The following CEACAM5 variants were observed in gnomAD, a reference collection of about 807,000 sequenced individuals.
CEACAM5 encodes the protein cell adhesion molecule CEACAM5.
A neutral mutation model predicts 63.0 loss-of-function variants in CEACAM5; 52 were observed. That is an observed-to-expected ratio of 0.83 (90% CI 0.66 to 1.04). The LOEUF (loss-of-function observed/expected upper bound fraction) is 1.04. CEACAM5 is among the 50% of genes least tolerant of loss of function. The pLI, the probability that CEACAM5 is intolerant of heterozygous loss-of-function variation, is 0.00. For missense variants in CEACAM5, 790 were observed against 864.8 expected (o/e 0.91, Z 1.08); for synonymous variants, 357 against 351.3 (o/e 1.02, Z -0.18).
In CEACAM5 at chr19:41,728,093, A is replaced by T. The variant is rs149701264; in HGVS notation, c.*36+741A>T. Reference sequence around the variant, plus strand: ...TTAACCTGTGAGTCTTAAGCTCAGGACACAACTGTGCCTGTGACTGAGAAC... The same window carrying T: ...TTAACCTGTGAGTCTTAAGCTCAGGTCACAACTGTGCCTGTGACTGAGAAC... On this transcript the variant is annotated intron_variant, in intron 9 of 9. Transcript: ENST00000221992. Among the ~76,000 whole-genome samples the T allele has an allele frequency of 1.5e-3, 235 of 152,336 alleles. 2 individuals are homozygous for T. The highest frequency in any genetic ancestry group is 5.2e-3 in the African/African-American group (218 of 41,580).
At chr19:41,725,193 G>A (rs1297185391) in intron 8 of CEACAM5, among the ~76,000 whole-genome samples, 2 of 151,946 alleles carry the variant, frequency 1.3e-5, no homozygotes, top group Admixed American at 6.6e-5. Flanking sequence ...GCTTTTATTG[G>A]TTCTATCTAA....
Position 41,715,156 on chromosome 19 carries a change from A to G in CEACAM5, c.610A>G (p.Asn204Asp). The G allele has an allele frequency of 6.2e-7, 1 of 1,614,178 alleles. No homozygotes were observed. Among genetic ancestry groups the G allele is most frequent in the Non-Finnish European group, 8.5e-7 (1 of 1,180,038 alleles). ...TGGCAACAGGACCCTCACTCTATTC[A>G]ATGTCACAAGAAATGACACAGCAAG... Reference protein sequence around the residue: ...SNGNRTLTLFNVTRNDTASYK... With the variant: ...SNGNRTLTLFDVTRNDTASYK... Residue 204 changes from asparagine to aspartate, a missense_variant, in exon 3 of 10, where the codon AAT (asparagine) becomes GAT (aspartate). Asn to Asp is a conservative substitution (Grantham distance 23). Transcript: ENST00000221992.
Position 41,709,707 on chromosome 19 carries a change from C to T in CEACAM5, c.92C>T (p.Pro31Leu), listed in dbSNP as rs2072402112. 1.2e-6 allele frequency: 2 copies of T among 1,613,924 alleles called. No homozygotes were observed. Among genetic ancestry groups the T allele is most frequent in the Admixed American group, 1.7e-5 (1 of 59,998 alleles). ...TASLLTFWNPPTTAKLTIEST... is the reference protein window; with the variant it reads ...TASLLTFWNPLTTAKLTIEST... ...TCACTTCTAACCTTCTGGAACCCGC[C>T]CACCACTGCCAAGCTCACTATTGAA... The change falls in exon 2 of 10, where the codon CCC becomes CTC. Residue 31 changes from proline (P) to leucine (L), a missense_variant. Transcript: ENST00000221992.
chr19:41,715,365 C>A, intron 3 of CEACAM5, 116 bp downstream of exon 3: 2 of 1,464,172 alleles, frequency 1.4e-6, no homozygotes, highest in Non-Finnish European at 1.9e-6. Flanking sequence ...CCTGGACATC[C>A]AGACTGTCTG....
Position 41,717,512 on chromosome 19 carries a change from A to T in CEACAM5, c.1016A>T (p.Asp339Val), listed in dbSNP as rs142727064. The T allele has an allele frequency of 6.2e-7, 1 of 1,614,230 alleles. No homozygotes were observed. Among genetic ancestry groups the T allele is most frequent in the African/African-American group, 1.3e-5 (1 of 75,058 alleles). Reference sequence around the variant, plus strand: ...AACTCCAACCCCGTGGAGGATGAGGATGCTGTAGCCTTAACCTGTGAACCT... The same window carrying T: ...AACTCCAACCCCGTGGAGGATGAGGTTGCTGTAGCCTTAACCTGTGAACCT... ...SNNSNPVEDE[D>V]AVALTCEPEI... Residue 339 changes from aspartate to valine, a missense_variant, in exon 5 of 10, where the codon GAT becomes GTT. Asp to Val is a radical substitution (Grantham distance 152, BLOSUM62 -3). Coordinates refer to ENST00000221992, the MANE Select transcript of CEACAM5 (RefSeq NM_004363.6).
At chr19:41,709,615 G>A in intron 1 of CEACAM5, 65 bp from the exon 2 acceptor site, 1 of 1,560,024 alleles carries the variant, frequency 6.4e-7, no homozygotes, top group Non-Finnish European at 8.7e-7. Flanking sequence ...CAGGACCCAG[G>A]ACCCCATTTT....
At position 41,725,198 on chromosome 19, in the gene CEACAM5, A is replaced by T. The variant is rs1555816904; in HGVS notation, c.2027-2036A>T. Among the ~76,000 whole-genome samples, 3 of 152,050 alleles carry T rather than the reference A, an allele frequency of 2.0e-5. No homozygotes were observed. In the East Asian group the frequency reaches 5.8e-4, roughly 29 times the overall value. ...TTTGTCAAATGCTTTTATTGGTTCT[A>T]TCTAATTATAGGCCTATTAAATTTT... is the stretch of plus-strand genomic sequence containing the variant. On this transcript the variant is annotated intron_variant, in intron 8 of 9. Coordinates refer to ENST00000221992, the MANE Select transcript of CEACAM5 (RefSeq NM_004363.6).
At chr19:41,727,096 C>T in intron 8 of CEACAM5, 138 bp from the exon 9 acceptor site, 1 of 762,260 alleles carries the variant, frequency 1.3e-6, no homozygotes, top group Non-Finnish European at 2.4e-6. Flanking sequence ...AAAATTGCAA[C>T]TTTCCCACAA....
Position 41,728,741 on chromosome 19 carries a change from C to T in CEACAM5, c.*37-443C>T, listed in dbSNP as rs190408634. 6.5e-4 allele frequency among the ~76,000 whole-genome samples: 92 copies of T among 142,310 alleles called. 1 individual carries two copies. The highest frequency in any genetic ancestry group is 2.2e-3 in the African/African-American group (81 of 37,456). The allele number at this position is 142,310 out of a possible 152,430, so 93.4% of individuals were successfully genotyped here. ...GGTGGAGATTGCAGTGAGCCGAGAT[C>T]GTGCCACTGCACTCCAGCCTGGGCG... On this transcript the variant is annotated intron_variant, in intron 9 of 9. Coordinates refer to ENST00000221992, the MANE Select transcript of CEACAM5 (RefSeq NM_004363.6).
chr19:41,723,377 T>G (rs943067247), intron 8 of CEACAM5, among the ~76,000 whole-genome samples: 5 of 152,190 alleles, frequency 3.3e-5, no homozygotes, highest in Admixed American at 2.0e-4. Flanking sequence ...AGGTGGAGTA[T>G]CATTGTGGCT....
chr19:41,717,862 A>G, intron 5 of CEACAM5, 129 bp downstream of exon 5: 1 of 1,243,424 alleles, frequency 8.0e-7, no homozygotes, highest in Non-Finnish European at 1.1e-6. Context: ...GGCTGGCCCT[A>G]CCCCCAGCAA....
At chr19:41,715,995 G>C in intron 4 of CEACAM5, 91 bp downstream of exon 4, 1 of 1,485,360 alleles carries the variant, frequency 6.7e-7, no homozygotes, top group Non-Finnish European at 9.2e-7. Context: ...TTCTATCCCA[G>C]CCTGTGTCCA....
Position 41,717,605 on chromosome 19 carries a change from A to T in CEACAM5, c.1109A>T (p.Gln370Leu), listed in dbSNP as rs782165010. ...AGCCTCCCGGTCAGTCCCAGGCTGC[A>T]GCTGTCCAATGACAACAGGACCCTC... ...NQSLPVSPRL[Q>L]LSNDNRTLTL... Residue 370 changes from glutamine (Q) to leucine (L), a missense_variant, in exon 5 of 10, where the codon CAG becomes CTG. By Grantham distance (113) the Gln-to-Leu change is moderately radical. Transcript: ENST00000221992. 3.7e-5 allele frequency: 60 copies of T among 1,614,132 alleles called. No homozygotes were observed. Among genetic ancestry groups the T allele is most frequent in the Non-Finnish European group, 4.9e-5 (58 of 1,180,048 alleles).
At position 41,710,046 on chromosome 19, in the gene CEACAM5, G is replaced by A; in HGVS notation, c.424+7G>A. The A allele has an allele frequency of 6.3e-7, 1 of 1,590,554 alleles. No individual in the cohort carries two copies. Among genetic ancestry groups the A allele is most frequent in the Non-Finnish European group, 8.6e-7 (1 of 1,168,228 alleles). On this transcript the variant is annotated splice_region_variant and intron_variant, in intron 2 of 9. Transcript: ENST00000221992. The stretch of plus-strand genomic sequence containing the variant: ...GGCCAGTTCCGGGTATACCGTGAGT[G>A]ATTCCCCCATGACCTCTGGGTGTTG...
At chr19:41,715,602 C>T (rs1174507080) in intron 3 of CEACAM5, 48 bp from the exon 4 acceptor site, 1 of 1,607,810 alleles carries the variant, frequency 6.2e-7, no homozygotes, top group African/African-American at 1.3e-5. Context: ...CAGGAACTTC[C>T]ACTTCCCTCT....
At chr19:41,715,406 A>G in intron 3 of CEACAM5, 157 bp downstream of exon 3, 1 of 1,276,316 alleles carries the variant, frequency 7.8e-7, no homozygotes, top group Non-Finnish European at 1.1e-6. Flanking sequence ...ACCTGGGCAG[A>G]CCAAGTCTTG....
At position 41,708,782 on chromosome 19, in the gene CEACAM5, G is replaced by A. The variant is rs200859918; in HGVS notation, c.51G>A (p.Arg17=). Residue 17 remains arginine, a synonymous_variant, in exon 1 of 10, where the codon AGG becomes AGA. Coordinates refer to ENST00000221992, the MANE Select transcript of CEACAM5 (RefSeq NM_004363.6). ...PPHRWCIPWQ[R]LLLTASLLTF... ...ACAGATGGTGCATCCCCTGGCAGAGGCTCCTGCTCACAGGTGAAGGGAGGA... is the reference window on the plus strand; with the variant it reads ...ACAGATGGTGCATCCCCTGGCAGAGACTCCTGCTCACAGGTGAAGGGAGGA... The A allele has an allele frequency of 1.4e-4, 222 of 1,611,692 alleles. No homozygotes were observed. In the East Asian group the frequency reaches 4.9e-3, roughly 36 times the overall value.
chr19:41,709,429 G>T (rs1323310064), intron 1 of CEACAM5, among the ~76,000 whole-genome samples: 1 of 152,126 alleles, frequency 6.6e-6, no homozygotes, highest in Non-Finnish European at 1.5e-5. Flanking sequence ...TGAAGGCAAT[G>T]GGGAGGGAGC....
chr19:41,710,125 G>T (rs2072413233), intron 2 of CEACAM5, 86 bp downstream of exon 2: 3 of 1,537,878 alleles, frequency 2.0e-6, no homozygotes, highest in East Asian at 4.5e-5. Context: ...CTGTGCCTGT[G>T]GCCCCCTCTG....
Sources: allele counts gnomAD v4.1 joint callset (sites outside exome capture counted in the v4.1 genomes callset), GRCh38; gene constraint gnomAD v4.1.1; transcripts MANE v1.5; gene names NCBI Gene and HGNC (gene_info 2026-07-23, HGNC 2026-07-21).